CAB39: variants seen among roughly 807,000 people sequenced by gnomAD.
The protein encoded by CAB39 is calcium binding protein 39.
A neutral mutation model predicts 40.0 loss-of-function variants in CAB39; 8 were observed. The observed-to-expected ratio is 0.20, with a 90% CI of 0.12 to 0.36. CAB39 has a LOEUF of 0.36. Ranked by LOEUF, CAB39 falls within the 10% of genes least tolerant of loss-of-function variation. CAB39 has a pLI of 1.00. For missense variants in CAB39, 270 were observed against 401.1 expected, an observed-to-expected ratio of 0.67 and a Z score of 2.79; for synonymous variants, 156 against 141.6, an observed-to-expected ratio of 1.10 and a Z score of -0.72.
intron 2 of CAB39, among the ~76,000 whole-genome samples, chr2:230,769,556 A>G (rs918722338): frequency 3.3e-5 from 5 of 152,260 alleles, no homozygotes; most frequent in African/African-American, 4.8e-5. Context: ...AAGTTATACA[A>G]TGGATGTTCC....
intron 2 of CAB39, among the ~76,000 whole-genome samples, chr2:230,786,512 C>T (rs989257330): frequency 1.3e-5 from 2 of 152,184 alleles, no homozygotes; most frequent in African/African-American, 4.8e-5. Flanking sequence ...TTTGTCACCT[C>T]ACAAACCTGT....
intron 5 of CAB39, among the ~76,000 whole-genome samples, chr2:230,803,609 A>G (rs1415523684): frequency 2.6e-5 from 4 of 152,214 alleles, no homozygotes; most frequent in African/African-American, 7.2e-5. Context: ...TTATACACCA[A>G]TAACAGACAG....
intron 1 of CAB39, among the ~76,000 whole-genome samples, chr2:230,740,080 C>T (rs1163616415): frequency 2.0e-5 from 3 of 152,164 alleles, no homozygotes; most frequent in Non-Finnish European, 4.4e-5. Context: ...TATTTGGTGA[C>T]TCTTGTTTTC....
At chr2:230,733,449 C>T (rs1694731140) in intron 1 of CAB39, among the ~76,000 whole-genome samples, 1 of 152,144 alleles carries the variant, frequency 6.6e-6, no homozygotes, top group Non-Finnish European at 1.5e-5. Flanking sequence ...AAAGGGTTTT[C>T]AGTAGATTGC....
At chr2:230,752,447 G>A (rs1003291718) in intron 1 of CAB39, among the ~76,000 whole-genome samples, 1 of 152,108 alleles carries the variant, frequency 6.6e-6, no homozygotes, top group African/African-American at 2.4e-5. Context: ...GTCTGAGGAG[G>A]GCTGCATCTC....
At chr2:230,809,299 A>G (rs918121017) in intron 5 of CAB39, among the ~76,000 whole-genome samples, 1 of 152,244 alleles carries the variant, frequency 6.6e-6, no homozygotes, top group African/African-American at 2.4e-5. Context: ...GCATACTTCA[A>G]GAAACACTAG....
intron 2 of CAB39, among the ~76,000 whole-genome samples, chr2:230,772,855 G>A (rs920843912): frequency 7.9e-5 from 12 of 151,810 alleles, no homozygotes; most frequent in African/African-American, 2.9e-4. Flanking sequence ...TTACCCAAGA[G>A]AACAAGAAAT....
intron 1 of CAB39, chr2:230,725,037 G>A (rs1292593887): frequency 7.4e-7 from 1 of 1,349,078 alleles, no homozygotes; most frequent in Non-Finnish European, 1.0e-6. Flanking sequence ...CGTCGGAGGT[G>A]AGTACAACAA....
At chr2:230,755,010 C>G (rs1410561501) in intron 1 of CAB39, among the ~76,000 whole-genome samples, 2 of 152,200 alleles carry the variant, frequency 1.3e-5, no homozygotes, top group Non-Finnish European at 2.9e-5. Context: ...GCTGCAAATG[C>G]TGTTCATTCC....
intron 1 of CAB39, among the ~76,000 whole-genome samples, chr2:230,722,652 T>C (rs1423681601): frequency 6.6e-6 from 1 of 152,240 alleles, no homozygotes; most frequent in East Asian, 1.9e-4. Flanking sequence ...GAGGATTCAG[T>C]AAGAATGCCA....
intron 1 of CAB39, among the ~76,000 whole-genome samples, chr2:230,753,101 G>A (rs1002897126): frequency 1.3e-4 from 20 of 152,126 alleles, no homozygotes; most frequent in Non-Finnish European, 1.3e-4. Context: ...TGAATTAAAT[G>A]CAGAAAGGAA....
At chr2:230,729,909 A>G (rs1694656902) in intron 1 of CAB39, among the ~76,000 whole-genome samples, 1 of 152,178 alleles carries the variant, frequency 6.6e-6, no homozygotes, top group African/African-American at 2.4e-5. Flanking sequence ...AGATTTTTAC[A>G]AAGAAAACTA....
intron 2 of CAB39, among the ~76,000 whole-genome samples, chr2:230,783,782 A>G (rs755852530): frequency 2.0e-5 from 3 of 152,220 alleles, no homozygotes; most frequent in African/African-American, 4.8e-5. Flanking sequence ...GATTACAGGC[A>G]TGAGCCACTG....
At chr2:230,765,806 A>G (rs895769642) in intron 2 of CAB39, among the ~76,000 whole-genome samples, 2 of 152,192 alleles carry the variant, frequency 1.3e-5, no homozygotes, top group African/African-American at 4.8e-5. Flanking sequence ...TCCCCACAAC[A>G]AAGGGTTATC....
At chr2:230,716,882 G>C (rs1205114917) in intron 1 of CAB39, among the ~76,000 whole-genome samples, 1 of 152,156 alleles carries the variant, frequency 6.6e-6, no homozygotes, top group African/African-American at 2.4e-5. Flanking sequence ...TGTGCCTGTT[G>C]TCCTAGCTAC....
At position 230,759,587 on chromosome 2, in the gene CAB39, T is replaced by C. The variant is rs111831390; in HGVS notation, c.-43-372T>C. ...GGAGCAGGAGATTGTTAGAAAGGGT[T>C]TCATGAAATGATGAGTTCTAGTGCT... On this transcript the variant is annotated intron_variant, in intron 1 of 8. Transcript: ENST00000258418. 8.6e-3 allele frequency among the ~76,000 whole-genome samples: 1,303 copies of C among 152,288 alleles called. 19 individuals carry two copies. The highest frequency in any genetic ancestry group is 0.028 in the African/African-American group (1,167 of 41,556).
At chr2:230,776,234 T>C (rs1356713970) in intron 2 of CAB39, among the ~76,000 whole-genome samples, 4 of 152,224 alleles carry the variant, frequency 2.6e-5, no homozygotes, top group African/African-American at 4.8e-5. Context: ...TCTTACGCTA[T>C]AGAAGTCTTA....
chr2:230,793,942 G>A (rs913826417), intron 4 of CAB39, among the ~76,000 whole-genome samples: 3 of 152,242 alleles, frequency 2.0e-5, no homozygotes, highest in South Asian at 2.1e-4. Context: ...CCTGAAAACC[G>A]AACCATAGAA....
At chr2:230,752,736 AC>A (rs2124908535) in intron 1 of CAB39, among the ~76,000 whole-genome samples, 2 of 152,314 alleles carry the variant, frequency 1.3e-5, no homozygotes, top group South Asian at 4.1e-4. Context: ...GTGAGGGTCT[AC>A]CCTTAATGTC....
Sources: allele counts gnomAD v4.1 joint callset (sites outside exome capture counted in the v4.1 genomes callset), GRCh38; gene constraint gnomAD v4.1.1; transcripts MANE v1.5; gene names NCBI Gene and HGNC (gene_info 2026-07-23, HGNC 2026-07-21).